PCDHGA6: variants seen among roughly 807,000 people sequenced by gnomAD.
PCDHGA6 encodes protocadherin gamma subfamily A, 6, also known as protocadherin gamma-A6.
A neutral mutation model predicts 60.6 loss-of-function variants in PCDHGA6; 41 were observed. That is an observed-to-expected ratio of 0.68 (90% CI 0.53 to 0.88). The LOEUF (loss-of-function observed/expected upper bound fraction) is 0.88. Among genes scored for constraint, PCDHGA6 ranks in the 40% least tolerant of loss-of-function variants. The pLI is 0.00. For missense variants in PCDHGA6, 1,312 were observed against 1,203.0 expected, an observed-to-expected ratio of 1.09 and a Z score of -1.34; for synonymous variants, 594 against 524.4, an observed-to-expected ratio of 1.13 and a Z score of -1.81.
At chr5:141,390,045 T>G in intron 1 of PCDHGA6, 1 of 1,614,076 alleles carries the variant, frequency 6.2e-7, no homozygotes, top group Non-Finnish European at 8.5e-7. Context: ...CAGCCCCGCC[T>G]CCTGGAGCTG....
chr5:141,389,430 C>T (rs2091763189), intron 1 of PCDHGA6: 1 of 1,610,546 alleles, frequency 6.2e-7, no homozygotes, highest in Non-Finnish European at 8.5e-7. Context: ...GTTCGCGCAG[C>T]GCGCCTTCGA....
intron 2 of PCDHGA6, among the ~76,000 whole-genome samples, chr5:141,501,333 A>ACACACC (rs1186649373): frequency 1.5e-4 from 21 of 140,134 alleles, no homozygotes; most frequent in African/African-American, 3.4e-4. Flanking sequence ...ACACACACAC[A>ACACACC]CCCCAAACTC....
intron 1 of PCDHGA6, among the ~76,000 whole-genome samples, chr5:141,450,375 A>G (rs1338336573): frequency 1.3e-5 from 2 of 152,166 alleles, no homozygotes; most frequent in Non-Finnish European, 2.9e-5. Context: ...GTTTGTTTAT[A>G]TGAAACTGAC....
At chr5:141,459,603 A>G (rs867387156) in intron 1 of PCDHGA6, among the ~76,000 whole-genome samples, 1 of 152,244 alleles carries the variant, frequency 6.6e-6, no homozygotes, top group Non-Finnish European at 1.5e-5. Flanking sequence ...AATGGGAAGT[A>G]TATGCTTAAC....
intron 1 of PCDHGA6, chr5:141,413,667 G>A: frequency 6.2e-7 from 1 of 1,613,836 alleles, no homozygotes; most frequent in Non-Finnish European, 8.5e-7. Flanking sequence ...CTATTGATCC[G>A]GATGTGGGCG....
Position 141,491,383 on chromosome 5 carries a change from A to C in PCDHGA6, c.2425-3424A>C. The C allele has an allele frequency of 6.2e-7, 1 of 1,614,036 alleles. No individual in the cohort carries two copies. The highest frequency in any genetic ancestry group is 8.5e-7 in the Non-Finnish European group (1 of 1,179,962). ...AGTCACCTTCACCTTTCTGTCAGCG[A>C]AGTGCCTTCAGGGAAACGCAGACGG... On this transcript the variant is annotated intron_variant, in intron 1 of 3. Transcript: ENST00000517434. This position sits in a 1 kb window ranked among gnomAD's most constrained non-coding sequence, Gnocchi z 6.9.
intron 1 of PCDHGA6, chr5:141,402,861 A>G (rs2094315270): frequency 7.0e-7 from 1 of 1,430,150 alleles, no homozygotes; most frequent in Non-Finnish European, 9.2e-7. Context: ...CTTCTAAGGA[A>G]AAGATCACCA....
intron 1 of PCDHGA6, among the ~76,000 whole-genome samples, chr5:141,467,359 A>G (rs997614051): frequency 1.3e-5 from 2 of 151,714 alleles, no homozygotes; most frequent in African/African-American, 4.8e-5. Context: ...GGCCAAATCA[A>G]CGTTTTCTTA....
intron 1 of PCDHGA6, chr5:141,409,355 A>G (rs778227478): frequency 6.2e-7 from 1 of 1,614,032 alleles, no homozygotes; most frequent in South Asian, 1.1e-5. Flanking sequence ...AGTCAGGTGT[A>G]ATATAGAAAC....
At chr5:141,387,774 G>C (rs2091089351) in intron 1 of PCDHGA6, 3 of 1,445,206 alleles carry the variant, frequency 2.1e-6, no homozygotes, top group East Asian at 2.5e-5. Context: ...ATTTTTTCTT[G>C]AACTGGAACT....
intron 1 of PCDHGA6, among the ~76,000 whole-genome samples, chr5:141,479,878 A>G (rs1033313584): frequency 2.0e-5 from 3 of 152,170 alleles, no homozygotes; most frequent in African/African-American, 7.2e-5. Context: ...AGAACCCTAT[A>G]CATACTCTCA....
In PCDHGA6 at chr5:141,389,323, G is replaced by T. The variant is rs1230521211; in HGVS notation, c.2424+12816G>T. 26 of 1,613,980 alleles carry T rather than the reference G, an allele frequency of 1.6e-5. No individual in the cohort carries two copies. Among genetic ancestry groups the T allele is most frequent in the Non-Finnish European group, 1.8e-5 (21 of 1,179,896 alleles). ...GTCAGGGCTTCTGATCCGGACTTGG[G>T]GCCCAACGGCCAAGTCTCTTACTGC... On this transcript the variant is annotated intron_variant, in intron 1 of 3. Transcript: ENST00000517434.
At chr5:141,434,462 C>T (rs2097695951) in intron 1 of PCDHGA6, among the ~76,000 whole-genome samples, 1 of 152,156 alleles carries the variant, frequency 6.6e-6, no homozygotes, top group Non-Finnish European at 1.5e-5. Flanking sequence ...GTGGGTTTAC[C>T]GGAATGAGGG....
In PCDHGA6 at chr5:141,414,479, C is replaced by G. The variant is rs752879517; in HGVS notation, c.2424+37972C>G. The G allele has an allele frequency of 3.1e-6, 5 of 1,613,906 alleles. No homozygotes were observed. The highest frequency in any genetic ancestry group is 1.3e-5 in the African/African-American group (1 of 75,040). Reference sequence around the variant, plus strand: ...ACAGCCACAGATGGGGGAAGTCCTCCTCTATCAACGGAAGCTCACTTTATG... The same window carrying G: ...ACAGCCACAGATGGGGGAAGTCCTCGTCTATCAACGGAAGCTCACTTTATG... On this transcript the variant is annotated intron_variant, in intron 1 of 3. Coordinates refer to ENST00000517434, the MANE Select transcript of PCDHGA6 (RefSeq NM_018919.3).
chr5:141,383,388 C>A (rs764387936), intron 1 of PCDHGA6: 106 of 1,613,860 alleles, frequency 6.6e-5, no homozygotes, highest in Non-Finnish European at 8.6e-5. Flanking sequence ...CAGATGTGGG[C>A]ACGAACTCCC....
intron 1 of PCDHGA6, chr5:141,388,229 C>A (rs1041340259): frequency 1.7e-5 from 27 of 1,606,864 alleles, no homozygotes; most frequent in Non-Finnish European, 2.2e-5. Context: ...ATCCACTGAA[C>A]TTTTATCACG....
chr5:141,419,660 A>C (rs759082983), intron 1 of PCDHGA6: 1 of 1,612,798 alleles, frequency 6.2e-7, no homozygotes, highest in Admixed American at 1.7e-5. Context: ...CTCGGGGCAC[A>C]ATGCCTGGCT....
rs374140638 is a variant in PCDHGA6 at position 141,487,759 on chromosome 5, C to T, written c.2425-7048C>T. ...TTGTAAGAGGTAACTATGTGGTAGA[C>T]GCTGTGCTTTGTAACTGTTTCGTGA... On this transcript the variant is annotated intron_variant, in intron 1 of 3. Transcript: ENST00000517434. The surrounding 1 kb of genome is among the most constrained non-coding windows in gnomAD (Gnocchi z 5.0). 45 of 1,546,278 alleles carry T rather than the reference C, an allele frequency of 2.9e-5. No individual in the cohort carries two copies. The highest frequency in any genetic ancestry group is 1.1e-4 in the African/African-American group (8 of 73,160).
At chr5:141,467,672 A>T (rs1410623274) in intron 1 of PCDHGA6, among the ~76,000 whole-genome samples, 2 of 151,636 alleles carry the variant, frequency 1.3e-5, no homozygotes, top group Non-Finnish European at 2.9e-5. Context: ...GAAGATTTTT[A>T]TTTTTTTTAG....
Sources: allele counts gnomAD v4.1 joint callset (sites outside exome capture counted in the v4.1 genomes callset), GRCh38; gene constraint gnomAD v4.1.1; non-coding constraint Gnocchi (gnomAD v3.1); transcripts MANE v1.5; gene names NCBI Gene and HGNC (gene_info 2026-07-23, HGNC 2026-07-21).